NRG1: variants seen among roughly 807,000 people sequenced by gnomAD.
The protein encoded by NRG1 is neuregulin 1.
Under a neutral mutation model 63.8 loss-of-function variants are expected in NRG1, and 18 were observed. That is an observed-to-expected ratio of 0.28 (90% confidence interval 0.19 to 0.42). The LOEUF (loss-of-function observed/expected upper bound fraction) is 0.42, where lower values mean the gene tolerates loss of function less well. NRG1 is among the 10% of genes least tolerant of loss of function. The probability of loss-of-function intolerance (pLI) is 1.00; values close to 1 mark genes in which losing one functional copy is unlikely to be tolerated. For missense variants in NRG1, 762 were observed against 814.7 expected (o/e 0.94, Z 0.79); for synonymous variants, 302 against 301.3 (o/e 1.00, Z -0.02).
chr8:32,215,768 G>A (rs4548137), intron 1 of NRG1, among the ~76,000 whole-genome samples: 122,994 of 152,192 alleles, frequency 0.81, 50,412 homozygotes, highest in African/African-American at 0.92. Flanking sequence ...GTTGCAGGGT[G>A]CAGTGGCTCA....
intron 1 of NRG1, among the ~76,000 whole-genome samples, chr8:32,481,679 T>C (rs1243769109): frequency 2.0e-5 from 3 of 152,222 alleles, no homozygotes; most frequent in South Asian, 4.1e-4. Flanking sequence ...ACCTCTAATA[T>C]AGAGCTGATA....
At chr8:32,157,049 CGTGTGTGTGTGTGTGTGTGTGTGTGTGT>C (rs34725608) in intron 1 of NRG1, among the ~76,000 whole-genome samples, 2 of 140,918 alleles carry the variant, frequency 1.4e-5, no homozygotes, top group African/African-American at 2.7e-5. Context: ...AATTAAAACT[CGTGTGTGTGTGTGTGTGTGTGTGTGTGT>C]GTGTGTGTGT....
At chr8:32,362,965 C>A (rs1487149) in intron 1 of NRG1, among the ~76,000 whole-genome samples, 12,466 of 152,126 alleles carry the variant, frequency 0.082, 545 homozygotes, top group African/African-American at 0.11. Context: ...TCATTAGACC[C>A]ATCAAGGATT....
intron 5 of NRG1, among the ~76,000 whole-genome samples, chr8:32,637,071 G>GA (rs1244694742): frequency 2.0e-5 from 3 of 151,998 alleles, no homozygotes; most frequent in East Asian, 1.9e-4. Context: ...GAAACACCAT[G>GA]AAAAATTTTT....
At chr8:32,297,741 T>C (rs561430937) in intron 1 of NRG1, among the ~76,000 whole-genome samples, 1 of 152,320 alleles carries the variant, frequency 6.6e-6, no homozygotes, top group African/African-American at 2.4e-5. Context: ...CACATTTCAT[T>C]TGATAGCATG....
intron 1 of NRG1, among the ~76,000 whole-genome samples, chr8:31,708,693 C>T (rs970033375): frequency 2.3e-4 from 35 of 152,168 alleles, no homozygotes; most frequent in African/African-American, 7.5e-4. Context: ...GATCCGCCCG[C>T]CTCGGCCTCC....
At chr8:32,196,691 A>G (rs1842980015) in intron 1 of NRG1, among the ~76,000 whole-genome samples, 1 of 152,148 alleles carries the variant, frequency 6.6e-6, no homozygotes, top group South Asian at 2.1e-4. Context: ...TTCACCTTTC[A>G]TTCCATTGTA....
At chr8:32,606,750 G>A (rs935340579) in intron 3 of NRG1, among the ~76,000 whole-genome samples, 1 of 152,030 alleles carries the variant, frequency 6.6e-6, no homozygotes, top group Non-Finnish European at 1.5e-5. Flanking sequence ...GCATCTTCTT[G>A]GTAGGAGATG....
intron 1 of NRG1, among the ~76,000 whole-genome samples, chr8:32,166,061 C>T (rs1839365894): frequency 1.3e-5 from 2 of 152,048 alleles, no homozygotes; most frequent in African/African-American, 4.8e-5. Flanking sequence ...AAGACATTTA[C>T]TTGGAAGTAA....
chr8:32,368,760 T>C (rs561842016), intron 1 of NRG1, among the ~76,000 whole-genome samples: 1 of 152,312 alleles, frequency 6.6e-6, no homozygotes, highest in East Asian at 1.9e-4. Flanking sequence ...TTGTAAATAG[T>C]AGATTTCATT....
At chr8:32,353,631 C>T (rs1805940024) in intron 1 of NRG1, among the ~76,000 whole-genome samples, 1 of 152,124 alleles carries the variant, frequency 6.6e-6, no homozygotes, top group Non-Finnish European at 1.5e-5. Context: ...TTCTAAATAC[C>T]TATCAGAATG....
intron 1 of NRG1, among the ~76,000 whole-genome samples, chr8:31,868,147 TACACACACAC>T (rs1047085862): frequency 1.8e-4 from 6 of 32,658 alleles, no homozygotes; most frequent in East Asian, 3.9e-3. Flanking sequence ...ACATACATCT[TACACACACAC>T]ACACACACAC....
chr8:32,466,787 T>A (rs1823119995), intron 1 of NRG1, among the ~76,000 whole-genome samples: 1 of 152,136 alleles, frequency 6.6e-6, no homozygotes, highest in African/African-American at 2.4e-5. Flanking sequence ...CTTCTCTATA[T>A]GATTTTCTCT....
intron 1 of NRG1, among the ~76,000 whole-genome samples, chr8:32,176,491 C>T (rs1015380741): frequency 1.3e-5 from 2 of 152,158 alleles, no homozygotes; most frequent in African/African-American, 4.8e-5. Context: ...TCTAATTAAA[C>T]TAAAGAGCTT....
chr8:32,172,641 T>A (rs911458088), intron 1 of NRG1, among the ~76,000 whole-genome samples: 15 of 152,212 alleles, frequency 9.9e-5, no homozygotes, highest in Non-Finnish European at 1.5e-4. Flanking sequence ...AGAGATGTCC[T>A]TAAAGGACCT....
At chr8:32,433,440 A>C (rs1563458348) in intron 1 of NRG1, among the ~76,000 whole-genome samples, 1 of 152,142 alleles carries the variant, frequency 6.6e-6, no homozygotes, top group Admixed American at 6.6e-5. Flanking sequence ...ACTTCTTAGC[A>C]TGCCTCAGGA....
At chr8:31,652,195 T>C (rs1025283487) in intron 1 of NRG1, among the ~76,000 whole-genome samples, 1 of 152,178 alleles carries the variant, frequency 6.6e-6, no homozygotes, top group East Asian at 1.9e-4. Context: ...CAGATACCTC[T>C]CCTGCTCCAT....
intron 1 of NRG1, among the ~76,000 whole-genome samples, chr8:32,257,881 G>T (rs1339350858): frequency 2.0e-5 from 3 of 152,154 alleles, no homozygotes; most frequent in Non-Finnish European, 4.4e-5. Flanking sequence ...TTAAAAGAAA[G>T]ATTAGTTTAA....
At chr8:31,939,097 C>T (rs929826141) in intron 1 of NRG1, among the ~76,000 whole-genome samples, 2 of 152,152 alleles carry the variant, frequency 1.3e-5, no homozygotes, top group African/African-American at 4.8e-5. Flanking sequence ...AGATCATTGG[C>T]TTGGCACACA....
Sources: gnomAD v4.1 joint callset for allele counts (sites outside exome capture counted in the v4.1 genomes callset) on GRCh38, gnomAD v4.1.1 for gene constraint, MANE v1.5 for transcripts, NCBI Gene and HGNC (gene_info 2026-07-23, HGNC 2026-07-21) for gene names.